LPGAT1: variants seen among roughly 807,000 people sequenced by gnomAD.
LPGAT1 encodes lysophosphatidylglycerol acyltransferase 1.
LPGAT1 carries 11 observed loss-of-function variants against 47.5 expected under a neutral mutation model. The observed-to-expected ratio is 0.23, with a 90% CI of 0.15 to 0.38. The LOEUF (loss-of-function observed/expected upper bound fraction) is 0.38. Ranked by LOEUF, LPGAT1 falls within the 10% of genes least tolerant of loss-of-function variation. The pLI, the probability that LPGAT1 is intolerant of heterozygous loss-of-function variation, is 1.00. For missense variants in LPGAT1, 293 were observed against 439.0 expected, an observed-to-expected ratio of 0.67 and a Z score of 2.97; for synonymous variants, 138 against 144.2, an observed-to-expected ratio of 0.96 and a Z score of 0.31.
chr1:211,815,162 T>G (rs1660125565), intron 2 of LPGAT1, among the ~76,000 whole-genome samples: 1 of 152,208 alleles, frequency 6.6e-6, no homozygotes, highest in African/African-American at 2.4e-5. Context: ...TAGCTCAAGT[T>G]TCCCTTACAA....
intron 3 of LPGAT1, among the ~76,000 whole-genome samples, chr1:211,791,439 T>TAGTG (rs149398810): frequency 0.016 from 2,386 of 152,270 alleles, 64 homozygotes; most frequent in African/African-American, 0.054. Flanking sequence ...TACCCTCCAC[T>TAGTG]GAAGCCATCT....
rs1362966776 is a variant in LPGAT1, at chr1:211,783,444, T to C, written c.512A>G (p.Tyr171Cys). ...LLLKKHLENN[Y>C]RSRDRKWIVL... ...AATCCATTTTCGATCTCTGCTCCTGTAATTATTTTCTAAGTGCTTCTTGAG... is the reference window on the plus strand; with the variant it reads ...AATCCATTTTCGATCTCTGCTCCTGCAATTATTTTCTAAGTGCTTCTTGAG... Residue 171 changes from tyrosine to cysteine, a missense_variant, in exon 5 of 8, where the codon TAC (tyrosine) becomes TGC (cysteine). Physicochemically the swap from Tyr to Cys is radical, Grantham distance 194. Coordinates refer to ENST00000366997, the MANE Select transcript of LPGAT1 (RefSeq NM_014873.3). 1 of 1,614,108 alleles carries C rather than the reference T, an allele frequency of 6.2e-7. No homozygotes were observed. Among genetic ancestry groups the C allele is most frequent in the East Asian group, 2.2e-5 (1 of 44,888 alleles).
chr1:211,796,079 G>C (rs1659339385), intron 2 of LPGAT1, among the ~76,000 whole-genome samples: 1 of 151,806 alleles, frequency 6.6e-6, no homozygotes, highest in Non-Finnish European at 1.5e-5. Flanking sequence ...GGCCCATGCA[G>C]TGGGAAGGCA....
intron 5 of LPGAT1, among the ~76,000 whole-genome samples, chr1:211,782,199 G>C (rs958563106): frequency 1.3e-5 from 2 of 152,136 alleles, no homozygotes; most frequent in African/African-American, 2.4e-5. Flanking sequence ...ATTTGTAACA[G>C]CTGTGTTGTA....
chr1:211,814,194 C>T (rs1320915856), intron 2 of LPGAT1, among the ~76,000 whole-genome samples: 2 of 152,228 alleles, frequency 1.3e-5, no homozygotes, highest in Middle Eastern at 3.4e-3. Flanking sequence ...ACTTAATATG[C>T]GTATGGATTC....
intron 2 of LPGAT1, 66 bp downstream of exon 2, chr1:211,828,993 T>G (rs747390964): frequency 1.3e-6 from 2 of 1,533,668 alleles, no homozygotes; most frequent in Non-Finnish European, 1.8e-6. Context: ...AAGTGTAATA[T>G]ACATTTAATC....
rs141330041 is a variant in LPGAT1 at position 211,803,230 on chromosome 1, A to C, written c.239-10040T>G. 128 of 152,364 alleles carry C rather than the reference A, an allele frequency of 8.4e-4. 1 individual carries two copies. Among genetic ancestry groups the C allele is most frequent in the African/African-American group, 3.0e-3 (123 of 41,588 alleles). The allele number at this position is 152,364 out of a possible 1,614,324, so 9.4% of individuals were successfully genotyped here. ...AAGTGTGTGACATTTTGAAAAATTA[A>C]CCTCTTGCTCTCATGAAGATATTGG... On this transcript the variant is annotated intron_variant, in intron 2 of 7. Coordinates refer to ENST00000366997, the MANE Select transcript of LPGAT1 (RefSeq NM_014873.3).
intron 6 of LPGAT1, among the ~76,000 whole-genome samples, chr1:211,754,053 C>T (rs377472815): frequency 5.9e-5 from 9 of 152,188 alleles, no homozygotes; most frequent in African/African-American, 2.2e-4. Flanking sequence ...TCTTAGCACT[C>T]AGCACACTGA....
At chr1:211,823,001 T>C (rs943716094) in intron 2 of LPGAT1, among the ~76,000 whole-genome samples, 5 of 152,198 alleles carry the variant, frequency 3.3e-5, no homozygotes, top group African/African-American at 7.2e-5. Flanking sequence ...TCTATAGCTA[T>C]ATTACTTTCA....
At position 211,830,309 on chromosome 1, in the gene LPGAT1, G is replaced by T. The variant is rs570449965; in HGVS notation, c.-28+264C>A. Reference sequence around the variant, plus strand: ...GCGCTGCGCGAGCGGGCGCGCTGGCGCCCTACTCCCCTCGCGGCTGCCTGC... The same window carrying T: ...GCGCTGCGCGAGCGGGCGCGCTGGCTCCCTACTCCCCTCGCGGCTGCCTGC... On this transcript the variant is annotated intron_variant, in intron 1 of 7. Transcript: ENST00000366997. The surrounding 1 kb of genome is among the most constrained non-coding windows in gnomAD (Gnocchi z 5.9). The T allele has an allele frequency of 2.8e-6, 3 of 1,089,080 alleles. No individual in the cohort carries two copies. In the South Asian group the frequency reaches 1.3e-4, roughly 49 times the overall value. 67.5% of individuals were successfully genotyped at this position (1,089,080 alleles called of 1,614,324 possible). A position where few individuals can be genotyped will look rare whatever the true frequency, so the allele number is the denominator to read the frequency against.
chr1:211,780,061 C>T (rs1201458058), intron 5 of LPGAT1, among the ~76,000 whole-genome samples: 2 of 151,642 alleles, frequency 1.3e-5, no homozygotes, highest in Admixed American at 1.3e-4. Context: ...CTTGTAATCC[C>T]AGCTACTCGG....
In LPGAT1 at chr1:211,747,690, A is replaced by G. The variant is rs1344352834; in HGVS notation, c.*2209T>C. On this transcript the variant is annotated 3_prime_UTR_variant, in exon 8 of 8. Coordinates refer to ENST00000366997, the MANE Select transcript of LPGAT1 (RefSeq NM_014873.3). ...CCCCAGATGGTTGACTAATCCCTCA[A>G]GTGAACAATTTCATTTCATCCAGTA... 1 of 152,214 alleles carries G rather than the reference A, an allele frequency of 6.6e-6. No individual in the cohort carries two copies. Among genetic ancestry groups the G allele is most frequent in the Non-Finnish European group, 1.5e-5 (1 of 68,040 alleles). The allele number at this position is 152,214 out of a possible 1,614,324, so 9.4% of individuals were successfully genotyped here.
At chr1:211,794,136 T>C (rs1440481234) in intron 2 of LPGAT1, among the ~76,000 whole-genome samples, 1 of 152,176 alleles carries the variant, frequency 6.6e-6, no homozygotes, top group African/African-American at 2.4e-5. Flanking sequence ...TAAGAAAACA[T>C]TCAGACATAA....
rs187019313 is a variant in LPGAT1 at position 211,829,604 on chromosome 1, C to A, written c.-27-281G>T. The A allele has an allele frequency of 2.6e-5, 31 of 1,203,658 alleles. No homozygotes were observed. In the African/African-American group the frequency reaches 4.5e-4, roughly 17 times the overall value. 74.6% of individuals were successfully genotyped at this position (1,203,658 alleles called of 1,614,324 possible). On this transcript the variant is annotated intron_variant, in intron 1 of 7. Transcript: ENST00000366997. ...TTCCCATTCAGTAATCGGTGGCCGT[C>A]CCCGCACCGTGTCTCACTGCGGTCG... is the stretch of plus-strand genomic sequence containing the variant.
Position 211,793,167 on chromosome 1 carries a change from T to G in LPGAT1, c.262A>C (p.Lys88Gln). The change falls in exon 3 of 8, where the codon AAA (lysine) becomes CAA (glutamine). Residue 88 changes from lysine (K) to glutamine (Q), a missense_variant. Transcript: ENST00000366997. ...YTVMEWGEDI[K>Q]AVSKDEAVML... Reference sequence around the variant, plus strand: ...ACTGCTTCATCTTTTGAAACTGCTTTAATATCTTCTCCCCATTCCATCACT... The same window carrying G: ...ACTGCTTCATCTTTTGAAACTGCTTGAATATCTTCTCCCCATTCCATCACT... 6.2e-7 allele frequency: 1 copy of G among 1,610,688 alleles called. No homozygotes were observed. Among genetic ancestry groups the G allele is most frequent in the African/African-American group, 1.3e-5 (1 of 74,750 alleles).
chr1:211,769,923 A>T (rs1454016615), intron 6 of LPGAT1, among the ~76,000 whole-genome samples: 1 of 152,164 alleles, frequency 6.6e-6, no homozygotes, highest in African/African-American at 2.4e-5. Flanking sequence ...GCAGCCCAGT[A>T]GGTCTCAGCC....
At chr1:211,798,455 C>A (rs1348964151) in intron 2 of LPGAT1, among the ~76,000 whole-genome samples, 1 of 152,120 alleles carries the variant, frequency 6.6e-6, no homozygotes, top group African/African-American at 2.4e-5. Context: ...GAGGCCGAGG[C>A]AGGAGGACCC....
At chr1:211,756,715 C>T (rs75943978) in intron 6 of LPGAT1, among the ~76,000 whole-genome samples, 3,354 of 152,272 alleles carry the variant, frequency 0.022, 64 homozygotes, top group Non-Finnish European at 0.03. Flanking sequence ...CTTTTAACAC[C>T]TTTACTCCTA....
chr1:211,750,172 G>T, intron 7 of LPGAT1, 122 bp from the exon 8 acceptor site: 1 of 785,384 alleles, frequency 1.3e-6, no homozygotes, highest in Non-Finnish European at 2.1e-6. Context: ...ACTTTCCAGT[G>T]CCCCAGAGGA....
Sources: allele counts gnomAD v4.1 joint callset (sites outside exome capture counted in the v4.1 genomes callset), GRCh38; gene constraint gnomAD v4.1.1; non-coding constraint Gnocchi (gnomAD v3.1); transcripts MANE v1.5; gene names NCBI Gene and HGNC (gene_info 2026-07-23, HGNC 2026-07-21).